The following CMPK1 variants were observed in gnomAD, a reference collection of about 807,000 sequenced individuals.
CMPK1 encodes the protein UMP-CMP kinase.
In CMPK1, 10 loss-of-function variants were observed where a neutral mutation model predicts 25.7. That is an observed-to-expected ratio of 0.39 (90% CI 0.24 to 0.66). The LOEUF is 0.66. Ranked by LOEUF, CMPK1 falls within the 30% of genes least tolerant of loss-of-function variation. The pLI is 0.48. For missense variants in CMPK1, 199 were observed against 280.5 expected (o/e 0.71, Z 2.08); for synonymous variants, 106 against 101.5 (o/e 1.04, Z -0.27).
chr1:47,347,587 T>C (rs1012153672), intron 1 of CMPK1, among the ~76,000 whole-genome samples: 4 of 152,140 alleles, frequency 2.6e-5, no homozygotes, highest in African/African-American at 7.2e-5. Flanking sequence ...ATGATGTAAT[T>C]GAAAGGAATG....
intron 1 of CMPK1, among the ~76,000 whole-genome samples, chr1:47,345,646 A>G (rs1335431813): frequency 6.6e-6 from 1 of 151,526 alleles, no homozygotes; most frequent in African/African-American, 2.4e-5. Context: ...GGTGCCCACC[A>G]CCACGCCCGG....
chr1:47,364,498 A>G (rs1434854980), intron 1 of CMPK1, among the ~76,000 whole-genome samples: 1 of 151,614 alleles, frequency 6.6e-6, no homozygotes, highest in African/African-American at 2.4e-5. Flanking sequence ...TTGTATTTTT[A>G]GTAGAGACGG....
intron 1 of CMPK1, among the ~76,000 whole-genome samples, chr1:47,344,264 G>A (rs12121831): frequency 0.38 from 57,829 of 151,946 alleles, 13,810 homozygotes; most frequent in Non-Finnish European, 0.51. Context: ...CTTCCCAGAG[G>A]AGGTGATGTG....
At chr1:47,334,324 C>G (rs1646379851) in intron 1 of CMPK1, among the ~76,000 whole-genome samples, 1 of 152,046 alleles carries the variant, frequency 6.6e-6, no homozygotes, top group African/African-American at 2.4e-5. Context: ...CCTTGGGGGC[C>G]ACCGCTTGAG....
chr1:47,337,049 C>T (rs1470521539), intron 1 of CMPK1, among the ~76,000 whole-genome samples: 1 of 152,160 alleles, frequency 6.6e-6, no homozygotes, highest in Non-Finnish European at 1.5e-5. Flanking sequence ...GTTTGGGAGG[C>T]CCAGGCGGGT....
chr1:47,348,855 A>C (rs1282530564), intron 1 of CMPK1, among the ~76,000 whole-genome samples: 1 of 152,192 alleles, frequency 6.6e-6, no homozygotes, highest in Admixed American at 6.6e-5. Context: ...TAATAACATG[A>C]ATTTTCATTT....
At position 47,333,837 on chromosome 1, in the gene CMPK1, C is replaced by T. The variant is rs1443596649; in HGVS notation, c.-109C>T. ...GCCCGGGCAGCCACGGCGGCGGGGC[C>T]GCGGCGGGCGCCGGCTCAGCCCGCC... is the stretch of plus-strand genomic sequence containing the variant. On this transcript the variant is annotated 5_prime_UTR_variant, in exon 1 of 6. Transcript: ENST00000371873. 2 of 684,928 alleles carry T rather than the reference C, an allele frequency of 2.9e-6. No homozygotes were observed. The highest frequency in any genetic ancestry group is 3.6e-6 in the Non-Finnish European group (2 of 552,162). 42.4% of individuals were successfully genotyped at this position (684,928 alleles called of 1,614,324 possible). A position where few individuals can be genotyped will look rare whatever the true frequency, so the allele number is the denominator to read the frequency against.
chr1:47,357,880 C>G (rs1032114963), intron 1 of CMPK1, among the ~76,000 whole-genome samples: 2 of 152,032 alleles, frequency 1.3e-5, no homozygotes. Flanking sequence ...GGCCCCACGT[C>G]CCAACACTGC....
intron 1 of CMPK1, among the ~76,000 whole-genome samples, chr1:47,348,183 T>C (rs1437723072): frequency 6.6e-6 from 1 of 152,174 alleles, no homozygotes; most frequent in East Asian, 1.9e-4. Context: ...GTAGTGGGAC[T>C]TTTTGTCCAG....
chr1:47,373,035 T>C lies in CMPK1; in HGVS notation c.399T>C (p.Leu133=). Residue 133 remains leucine, a synonymous_variant, in exon 3 of 6, where the codon CTT becomes CTC. Transcript: ENST00000371873. ...IDGFPRNQDN[L]QGWNKTMDGK... is the part of the protein sequence containing the mutation. The stretch of plus-strand genomic sequence containing the variant: ...GGTTTCCAAGAAATCAAGACAACCT[T>C]CAAGGATGGAACAAGACCATGGATG... The C allele has an allele frequency of 6.2e-7, 1 of 1,613,290 alleles. No individual in the cohort carries two copies. Among genetic ancestry groups the C allele is most frequent in the Non-Finnish European group, 8.5e-7 (1 of 1,179,534 alleles).
chr1:47,353,440 C>T (rs1390992033), intron 1 of CMPK1, among the ~76,000 whole-genome samples: 2 of 152,086 alleles, frequency 1.3e-5, no homozygotes, highest in East Asian at 3.9e-4. Flanking sequence ...GGATCACTTT[C>T]CAGAAAAATT....
At chr1:47,346,081 ACT>A (rs1248379258) in intron 1 of CMPK1, among the ~76,000 whole-genome samples, 3 of 137,702 alleles carry the variant, frequency 2.2e-5, no homozygotes, top group Admixed American at 1.5e-4. Flanking sequence ...ACAGAGTCTC[ACT>A]CTGTCACCCA....
intron 1 of CMPK1, among the ~76,000 whole-genome samples, chr1:47,359,386 C>CTTTTTTTTTTT (rs71053107): frequency 9.7e-6 from 1 of 102,758 alleles, no homozygotes; most frequent in Non-Finnish European, 1.8e-5. Context: ...AACCTTTTTT[C>CTTTTTTTTTTT]TTTTTTTTTT....
intron 1 of CMPK1, among the ~76,000 whole-genome samples, chr1:47,357,431 C>G (rs1489023246): frequency 6.6e-6 from 1 of 151,374 alleles, no homozygotes; most frequent in Non-Finnish European, 1.5e-5. Context: ...CAAACTCATC[C>G]TTTTACAAGG....
At chr1:47,339,265 T>A (rs1368104596) in intron 1 of CMPK1, among the ~76,000 whole-genome samples, 2 of 152,028 alleles carry the variant, frequency 1.3e-5, no homozygotes, top group Non-Finnish European at 2.9e-5. Context: ...CTGCCTCAGC[T>A]TCCTAAAGTA....
intron 5 of CMPK1, among the ~76,000 whole-genome samples, chr1:47,376,371 A>G (rs1646707906): frequency 6.6e-6 from 1 of 151,988 alleles, no homozygotes; most frequent in South Asian, 2.1e-4. Flanking sequence ...GCTGGAGTGC[A>G]ATGGTGTGAT....
At chr1:47,356,176 G>A (rs2622914) in intron 1 of CMPK1, among the ~76,000 whole-genome samples, 1 of 151,958 alleles carries the variant, frequency 6.6e-6, no homozygotes, top group African/African-American at 2.4e-5. Flanking sequence ...TTCACCTGGC[G>A]TTTAGTTTTG....
chr1:47,350,989 C>G (rs560675302), intron 1 of CMPK1, among the ~76,000 whole-genome samples: 1 of 152,092 alleles, frequency 6.6e-6, no homozygotes, highest in South Asian at 2.1e-4. Context: ...TCTACTGTCT[C>G]TACGAGTTTG....
chr1:47,353,456 C>G (rs1170408632), intron 1 of CMPK1, among the ~76,000 whole-genome samples: 9 of 152,180 alleles, frequency 5.9e-5, no homozygotes, highest in South Asian at 4.1e-4. Context: ...AAATTTTTAT[C>G]TAAACACTTG....
Sources: gnomAD v4.1 joint callset for allele counts (sites outside exome capture counted in the v4.1 genomes callset) on GRCh38, gnomAD v4.1.1 for gene constraint, MANE v1.5 for transcripts, NCBI Gene and HGNC (gene_info 2026-07-23, HGNC 2026-07-21) for gene names.